Variants in EP300 observed in about 807,000 individuals in gnomAD.
The protein encoded by EP300 is histone acetyltransferase p300.
Under a neutral mutation model 264.0 loss-of-function variants are expected in EP300, and 31 were observed. That is an observed-to-expected ratio of 0.12 (90% CI 0.09 to 0.16). The LOEUF (loss-of-function observed/expected upper bound fraction) is 0.16, where lower values mean the gene tolerates loss of function less well. EP300 is among the 10% of genes least tolerant of loss of function. EP300 has a pLI of 1.00. For synonymous variants in EP300, 1,340 were observed against 1,045.4 expected, an observed-to-expected ratio of 1.28 and a Z score of -5.44; for missense variants, 2,766 against 3,052.9, an observed-to-expected ratio of 0.91 and a Z score of 2.21.
chr22:41,138,482 G>T (rs973264059), intron 8 of EP300, among the ~76,000 whole-genome samples: 6 of 152,088 alleles, frequency 3.9e-5, no homozygotes, highest in African/African-American at 1.4e-4. Flanking sequence ...CTTTTATTAT[G>T]TAAAAATCTG....
intron 1 of EP300, among the ~76,000 whole-genome samples, chr22:41,101,701 G>A (rs1352591488): frequency 2.0e-5 from 3 of 152,044 alleles, no homozygotes; most frequent in African/African-American, 7.2e-5. Context: ...GTAAGCCACC[G>A]TGCCCAGCCA....
chr22:41,106,871 T>C (rs975267229), intron 1 of EP300, among the ~76,000 whole-genome samples: 3 of 152,084 alleles, frequency 2.0e-5, no homozygotes, highest in African/African-American at 7.2e-5. Context: ...ATGATTACAG[T>C]TGTGAGCCAC....
chr22:41,126,203 C>A (rs1215421746), intron 3 of EP300, 163 bp downstream of exon 3: 2 of 697,830 alleles, frequency 2.9e-6, no homozygotes, highest in East Asian at 2.7e-5. Context: ...TGCTTCCTTT[C>A]CATTTCTCTG....
chr22:41,108,244 C>CT (rs1184276266), intron 1 of EP300: 4,009 of 111,954 alleles, frequency 0.036, 105 homozygotes, highest in South Asian at 0.045. Flanking sequence ...TTTTCTTTTT[C>CT]TTTTTTTTTT....
At chr22:41,167,890 C>T (rs1325404237) in intron 23 of EP300, among the ~76,000 whole-genome samples, 3 of 120,278 alleles carry the variant, frequency 2.5e-5, no homozygotes, top group African/African-American at 9.6e-5. Context: ...GGCGCAGTCT[C>T]AGCTCACTGC....
At chr22:41,144,493 A>G (rs2059000051) in intron 10 of EP300, among the ~76,000 whole-genome samples, 1 of 151,782 alleles carries the variant, frequency 6.6e-6, no homozygotes, top group Non-Finnish European at 1.5e-5. Flanking sequence ...AGCTGGGACC[A>G]CAGGCACACG....
chr22:41,101,109 C>T (rs1316850376), intron 1 of EP300, among the ~76,000 whole-genome samples: 1 of 152,158 alleles, frequency 6.6e-6, no homozygotes, highest in Non-Finnish European at 1.5e-5. Flanking sequence ...GAGTCTCACT[C>T]TGTTTCCTAG....
intron 16 of EP300, among the ~76,000 whole-genome samples, chr22:41,152,557 TAA>T (rs1277036024): frequency 2.0e-5 from 3 of 152,122 alleles, no homozygotes; most frequent in Admixed American, 2.0e-4. Context: ...ACCAATGAGT[TAA>T]GTCATTCCCC....
At chr22:41,137,126 A>C (rs1052106028) in intron 7 of EP300, among the ~76,000 whole-genome samples, 1 of 152,102 alleles carries the variant, frequency 6.6e-6, no homozygotes, top group Non-Finnish European at 1.5e-5. Flanking sequence ...TGGGAGGCCC[A>C]GGTGGGTGGA....
chr22:41,163,955 T>C, intron 21 of EP300, 98 bp from the exon 22 acceptor site: 1 of 1,087,584 alleles, frequency 9.2e-7, no homozygotes, highest in Non-Finnish European at 1.4e-6. Context: ...TCTTTGGTCA[T>C]GACCTTGGCT....
intron 8 of EP300, among the ~76,000 whole-genome samples, chr22:41,139,687 G>T (rs952702143): frequency 1.3e-5 from 2 of 152,126 alleles, no homozygotes; most frequent in Admixed American, 6.5e-5. Context: ...TCCACTTCAG[G>T]TTTTTGGTTT....
intron 13 of EP300, 88 bp from the exon 14 acceptor site, chr22:41,149,673 G>A: frequency 7.5e-7 from 1 of 1,339,712 alleles, no homozygotes; most frequent in Non-Finnish European, 1.1e-6. Context: ...TAATCAGTTT[G>A]TGTCCTAAAT....
At chr22:41,108,871 A>G (rs1462936702) in intron 1 of EP300, among the ~76,000 whole-genome samples, 1 of 152,140 alleles carries the variant, frequency 6.6e-6, no homozygotes, top group Non-Finnish European at 1.5e-5. Context: ...TTGCCATAGG[A>G]TAGTTAAAAG....
At chr22:41,133,410 C>T (rs967873749) in intron 6 of EP300, among the ~76,000 whole-genome samples, 2 of 151,988 alleles carry the variant, frequency 1.3e-5, no homozygotes, top group Non-Finnish European at 2.9e-5. Flanking sequence ...CTCAACCTCC[C>T]AAAGTGCTGT....
At chr22:41,147,769 A>T in intron 11 of EP300, 68 bp from the exon 12 acceptor site, 1 of 1,127,648 alleles carries the variant, frequency 8.9e-7, no homozygotes, top group Non-Finnish European at 1.4e-6. Context: ...ATCAGACATA[A>T]GAATTCTATC....
intron 4 of EP300, among the ~76,000 whole-genome samples, chr22:41,128,790 C>A (rs550357655): frequency 2.6e-5 from 4 of 152,174 alleles, no homozygotes; most frequent in Middle Eastern, 3.4e-3. Flanking sequence ...GGATTACAGG[C>A]GTGAGCCACC....
chr22:41,095,714 G>A (rs933704778), intron 1 of EP300, among the ~76,000 whole-genome samples: 1 of 151,978 alleles, frequency 6.6e-6, no homozygotes, highest in Non-Finnish European at 1.5e-5. Flanking sequence ...TTGATATTAT[G>A]GTTTTTGTCT....
In EP300 at chr22:41,147,922, G is replaced by A. The variant is rs2145734312; in HGVS notation, c.2217G>A (p.Leu739=). The change falls in exon 12 of 31, where the codon TTG becomes TTA. Residue 739 remains leucine, a synonymous_variant. Transcript: ENST00000263253. ...QTPPLQHHGQ[L]AQPGALNPPM... ...CTCCTCTTCAGCACCATGGACAGTT[G>A]GCTCAACCTGGAGCTCTCAACCCGG... 10 of 1,612,016 alleles carry A rather than the reference G, an allele frequency of 6.2e-6. No homozygotes were observed. The highest frequency in any genetic ancestry group is 8.5e-6 in the Non-Finnish European group (10 of 1,178,874).
chr22:41,163,383 C>G (rs1339888658), intron 21 of EP300, among the ~76,000 whole-genome samples: 6 of 133,692 alleles, frequency 4.5e-5, no homozygotes, highest in Admixed American at 4.1e-4. Flanking sequence ...TGCAGTGAGC[C>G]GAGATCCCGC....
Sources: gnomAD v4.1 joint callset for allele counts (sites outside exome capture counted in the v4.1 genomes callset) on GRCh38, gnomAD v4.1.1 for gene constraint, MANE v1.5 for transcripts, NCBI Gene and HGNC (gene_info 2026-07-23, HGNC 2026-07-21) for gene names.